The following MDN1 variants were observed in gnomAD, a reference collection of about 807,000 sequenced individuals.
MDN1 encodes the protein midasin.
A neutral mutation model predicts 669.2 loss-of-function variants in MDN1; 266 were observed. The ratio of observed to expected loss-of-function variants is 0.40; its 90% confidence interval spans 0.36 to 0.44. The LOEUF (loss-of-function observed/expected upper bound fraction) is 0.44, where lower values mean the gene tolerates loss of function less well. MDN1 is among the 20% of genes least tolerant of loss of function. MDN1 has a pLI of 1.00. For synonymous variants in MDN1, 2,385 were observed against 2,457.1 expected (o/e 0.97, Z 0.87); for missense variants, 5,940 against 6,754.0 (o/e 0.88, Z 4.22).
chr6:89,745,990 A>G (rs1012600201), intron 27 of MDN1, among the ~76,000 whole-genome samples: 10 of 152,228 alleles, frequency 6.6e-5, no homozygotes, highest in African/African-American at 2.2e-4. Flanking sequence ...AAAAAGAAAA[A>G]AAAGAATGAA....
intron 13 of MDN1, 113 bp from the exon 14 acceptor site, chr6:89,772,834 T>C (rs1818172428): frequency 1.7e-6 from 2 of 1,182,334 alleles, no homozygotes; most frequent in Non-Finnish European, 1.2e-6. Context: ...CAGCTCACAG[T>C]AACTGTCTTC....
At chr6:89,765,100 CAA>C in intron 15 of MDN1, among the ~76,000 whole-genome samples, 1 of 151,766 alleles carries the variant, frequency 6.6e-6, no homozygotes, top group South Asian at 2.1e-4. Flanking sequence ...ACTAAAAATA[CAA>C]AAAAAATTAG....
At chr6:89,816,752 G>C (rs1229132461) in intron 1 of MDN1, among the ~76,000 whole-genome samples, 1 of 143,854 alleles carries the variant, frequency 7.0e-6, no homozygotes, top group Non-Finnish European at 1.5e-5. Context: ...TCAGCTCACT[G>C]CAAGTTCCAC....
At chr6:89,684,390 T>TAAAAAAAAAAAAAAAA (rs372116307) in intron 71 of MDN1, among the ~76,000 whole-genome samples, 1 of 133,078 alleles carries the variant, frequency 7.5e-6, no homozygotes. Flanking sequence ...CAAAGTGATT[T>TAAAAAAAAAAAAAAAA]AAAAAAAAAA....
chr6:89,730,703 C>T, intron 35 of MDN1, 23 bp downstream of exon 35: 2 of 1,594,618 alleles, frequency 1.3e-6, no homozygotes, highest in Non-Finnish European at 1.7e-6. Context: ...AAGGAAAATT[C>T]ATTTTTTAAA....
chr6:89,799,215 T>G (rs1219733467), intron 2 of MDN1, among the ~76,000 whole-genome samples: 1 of 152,158 alleles, frequency 6.6e-6, no homozygotes, highest in Non-Finnish European at 1.5e-5. Context: ...ACCACAACAA[T>G]CCATCTGCTA....
At chr6:89,747,829 T>G (rs1331433177) in intron 26 of MDN1, among the ~76,000 whole-genome samples, 6 of 144,854 alleles carry the variant, frequency 4.1e-5, no homozygotes, top group Non-Finnish European at 7.4e-5. Flanking sequence ...AGGGGGAGCT[T>G]GCAGTGAGCC....
rs757946158 is a variant in MDN1, at chr6:89,658,396, A to T, written c.15022-26T>A. The T allele has an allele frequency of 2.5e-6, 4 of 1,613,562 alleles. No individual in the cohort carries two copies. The South Asian group carries it at 4.4e-5, about 18-fold the overall frequency. On this transcript the variant is annotated intron_variant, in intron 89 of 101. Transcript: ENST00000369393. ...CTTCGGCAGAGAAATCAAACACAGC[A>T]TTAAATGCTCTGGGGGAACAGCATA...
intron 49 of MDN1, among the ~76,000 whole-genome samples, chr6:89,711,023 C>T (rs575776976): frequency 6.6e-6 from 1 of 152,204 alleles, no homozygotes; most frequent in African/African-American, 2.4e-5. Flanking sequence ...TCATATAGGA[C>T]AATACAGATA....
intron 54 of MDN1, 65 bp from the exon 55 acceptor site, chr6:89,701,743 G>A: frequency 1.3e-6 from 2 of 1,558,716 alleles, no homozygotes; most frequent in Admixed American, 2.0e-5. Context: ...AGTAAGAGAA[G>A]CCATTAATAT....
At chr6:89,698,385 A>C (rs67654358) in intron 59 of MDN1, among the ~76,000 whole-genome samples, 1 of 152,288 alleles carries the variant, frequency 6.6e-6, no homozygotes, top group East Asian at 1.9e-4. Context: ...ATCGGTAAGA[A>C]AGTGATTAAA....
At chr6:89,739,121 G>A (rs932817230) in intron 32 of MDN1, among the ~76,000 whole-genome samples, 4 of 152,134 alleles carry the variant, frequency 2.6e-5, no homozygotes, top group Non-Finnish European at 5.9e-5. Flanking sequence ...CTACCACAGA[G>A]GCCCAGGAAT....
rs1808412681 is a variant in MDN1 at position 89,645,153 on chromosome 6, A to T, written c.16464T>A (p.Thr5488=). 2 of 1,603,532 alleles carry T rather than the reference A, an allele frequency of 1.2e-6. No homozygotes were observed. The highest frequency in any genetic ancestry group is 1.7e-4 in the Middle Eastern group (1 of 6,032). ...QQLSQNISSE[T]AQLLLVVSDG... ...CAGAGACTACCAGGAGGAGTTGTGC[A>T]GTTTCTGTAGACCATATAAGACGAA... The change falls in exon 101 of 102, where the codon ACT becomes ACA. Residue 5488 remains threonine (T), a synonymous_variant. Transcript: ENST00000369393.
chr6:89,794,482 T>A (rs1376015301), intron 3 of MDN1, 95 bp downstream of exon 3: 4 of 1,234,346 alleles, frequency 3.2e-6, no homozygotes, highest in Non-Finnish European at 4.6e-6. Context: ...TAACAAATTT[T>A]AAATGGTTTC....
At chr6:89,739,557 G>C (rs1388060359) in intron 32 of MDN1, among the ~76,000 whole-genome samples, 1 of 152,032 alleles carries the variant, frequency 6.6e-6, no homozygotes, top group East Asian at 1.9e-4. Context: ...CATCATCCCT[G>C]ACCTGTTACA....
At chr6:89,752,321 A>G (rs1288964221) in intron 22 of MDN1, among the ~76,000 whole-genome samples, 1 of 152,228 alleles carries the variant, frequency 6.6e-6, no homozygotes, top group African/African-American at 2.4e-5. Context: ...AAAAAGACCA[A>G]CTGGAAGAGA....
intron 1 of MDN1, among the ~76,000 whole-genome samples, chr6:89,807,786 A>G (rs1179531970): frequency 1.3e-5 from 2 of 152,178 alleles, no homozygotes; most frequent in South Asian, 2.1e-4. Context: ...TTAAGCCTAG[A>G]TAATTTCTAT....
chr6:89,809,813 T>G (rs1166560450), intron 1 of MDN1, among the ~76,000 whole-genome samples: 1 of 144,744 alleles, frequency 6.9e-6, no homozygotes, highest in East Asian at 2.0e-4. Flanking sequence ...TAAAATAAAA[T>G]AAAATAAAAT....
chr6:89,674,471 C>A lies in MDN1; in HGVS notation c.12880G>T (p.Ala4294Ser). ...TCAAGCAGGATCTGGCACTGCATGG[C>A]CAGGTGCTGCAGGCGCTCTGTCCAC... The part of the protein sequence containing the change: ...QQWTERLQHL[A>S]MQCQILLEQL... The change falls in exon 79 of 102, where the codon GCC (alanine) becomes TCC (serine). Residue 4294 changes from alanine (A) to serine (S), a missense_variant. Around this residue, in one of 5 missense-constraint regions of MDN1, gnomAD observed 2,280 missense variants for 2,576.3 expected, o/e 0.88. Coordinates refer to ENST00000369393, the MANE Select transcript of MDN1 (RefSeq NM_014611.3). 1 of 1,613,588 alleles carries A rather than the reference C, an allele frequency of 6.2e-7. No homozygotes were observed. The highest frequency in any genetic ancestry group is 8.5e-7 in the Non-Finnish European group (1 of 1,179,968).
Sources: allele counts gnomAD v4.1 joint callset (sites outside exome capture counted in the v4.1 genomes callset), GRCh38; gene constraint gnomAD v4.1.1; regional missense constraint gnomAD v4.1.1; transcripts MANE v1.5; gene names NCBI Gene and HGNC (gene_info 2026-07-23, HGNC 2026-07-21).